Variants in UBE2E2 observed in about 807,000 individuals in gnomAD.
UBE2E2 encodes the protein ubiquitin conjugating enzyme E2 E2.
In UBE2E2, 6 loss-of-function variants were observed where a neutral mutation model predicts 24.7. The observed-to-expected ratio is 0.24, with a 90% confidence interval of 0.13 to 0.48. UBE2E2 has a LOEUF of 0.48. Ranked by LOEUF, UBE2E2 falls within the 20% of genes least tolerant of loss-of-function variation. The probability of loss-of-function intolerance (pLI) is 0.99; values close to 1 mark genes in which losing one functional copy is unlikely to be tolerated. For synonymous variants in UBE2E2, 104 were observed against 83.6 expected (o/e 1.24, Z -1.33); for missense variants, 169 against 245.0 (o/e 0.69, Z 2.07).
chr3:23,537,975 C>T (rs984412153), intron 5 of UBE2E2, among the ~76,000 whole-genome samples: 14 of 152,118 alleles, frequency 9.2e-5, no homozygotes, highest in Non-Finnish European at 1.8e-4. Context: ...AGTGCTTACA[C>T]AATAGTGTGA....
At chr3:23,267,734 C>G (rs1216564825) in intron 3 of UBE2E2, among the ~76,000 whole-genome samples, 1 of 151,798 alleles carries the variant, frequency 6.6e-6, no homozygotes, top group Non-Finnish European at 1.5e-5. Flanking sequence ...ATACCAAAGC[C>G]TGGCAGAGAC....
chr3:23,348,938 A>T (rs549846665), intron 3 of UBE2E2, among the ~76,000 whole-genome samples: 1 of 152,186 alleles, frequency 6.6e-6, no homozygotes, highest in South Asian at 2.1e-4. Context: ...GGTTCTGCAC[A>T]CTCCAGGGTA....
At chr3:23,561,512 T>A (rs997795338) in intron 5 of UBE2E2, among the ~76,000 whole-genome samples, 3 of 152,302 alleles carry the variant, frequency 2.0e-5, no homozygotes, top group African/African-American at 7.2e-5. Flanking sequence ...GTGTGATGCC[T>A]CCAGCTTTGT....
intron 3 of UBE2E2, among the ~76,000 whole-genome samples, chr3:23,241,270 G>A (rs1035835224): frequency 6.6e-6 from 1 of 151,982 alleles, no homozygotes; most frequent in Non-Finnish European, 1.5e-5. Context: ...TACTATTATG[G>A]TCCAAGCCGT....
chr3:23,412,753 A>G (rs1418905088), intron 3 of UBE2E2, among the ~76,000 whole-genome samples: 2 of 152,132 alleles, frequency 1.3e-5, no homozygotes, highest in African/African-American at 4.8e-5. Context: ...GGACCCCAGC[A>G]TCACCATTGC....
In UBE2E2 at chr3:23,273,355, G is replaced by A. The variant is rs192664787; in HGVS notation, c.227+56043G>A. On this transcript the variant is annotated intron_variant, in intron 3 of 5. Coordinates refer to ENST00000396703, the MANE Select transcript of UBE2E2 (RefSeq NM_152653.4). ...GAGATCGAGACCATGGTGAAACCCC[G>A]TCTCTACTAAAAATACAAAAAAAAA... Among the ~76,000 whole-genome samples, 109 of 152,050 alleles carry A rather than the reference G, an allele frequency of 7.2e-4. 5 individuals are homozygous for A. In the East Asian group the frequency reaches 0.016, roughly 22 times the overall value.
chr3:23,206,861 A>G (rs868583523), intron 1 of UBE2E2, among the ~76,000 whole-genome samples: 1 of 152,140 alleles, frequency 6.6e-6, no homozygotes, highest in Non-Finnish European at 1.5e-5. Flanking sequence ...GCTTTATTTG[A>G]GGTATCTTTA....
At chr3:23,289,181 C>T (rs1698695593) in intron 3 of UBE2E2, among the ~76,000 whole-genome samples, 1 of 152,158 alleles carries the variant, frequency 6.6e-6, no homozygotes, top group Admixed American at 6.5e-5. Flanking sequence ...CTGTGATTTG[C>T]TTTGAAGTAC....
At chr3:23,413,335 G>C (rs1419998655) in intron 3 of UBE2E2, among the ~76,000 whole-genome samples, 48 of 152,222 alleles carry the variant, frequency 3.2e-4, no homozygotes, top group Non-Finnish European at 1.6e-4. Context: ...TGCAGCAGTA[G>C]AGCTAATATA....
intron 3 of UBE2E2, among the ~76,000 whole-genome samples, chr3:23,253,699 A>C (rs957421141): frequency 6.6e-6 from 1 of 152,222 alleles, no homozygotes; most frequent in Admixed American, 6.5e-5. Flanking sequence ...TATTATGTGA[A>C]GAGAAATAGC....
At chr3:23,345,635 C>T (rs1233975775) in intron 3 of UBE2E2, among the ~76,000 whole-genome samples, 2 of 151,974 alleles carry the variant, frequency 1.3e-5, no homozygotes, top group South Asian at 2.1e-4. Flanking sequence ...AAGAGTAAGT[C>T]ACTGATATTG....
At chr3:23,258,900 GAAAAAAAA>G (rs11333992) in intron 3 of UBE2E2, among the ~76,000 whole-genome samples, 2 of 78,904 alleles carry the variant, frequency 2.5e-5, no homozygotes, top group Non-Finnish European at 4.8e-5. Context: ...CTCAAAAAAA[GAAAAAAAA>G]AAAAAAAAAA....
intron 3 of UBE2E2, among the ~76,000 whole-genome samples, chr3:23,290,269 T>C (rs1698728601): frequency 6.6e-6 from 1 of 152,214 alleles, no homozygotes; most frequent in South Asian, 2.1e-4. Context: ...TTTATTAGTT[T>C]GTGGACCATT....
At chr3:23,376,565 T>C (rs1696525880) in intron 3 of UBE2E2, among the ~76,000 whole-genome samples, 2 of 152,228 alleles carry the variant, frequency 1.3e-5, no homozygotes, top group Non-Finnish European at 2.9e-5. Flanking sequence ...GAGGTGTACC[T>C]TTTTACAACC....
intron 3 of UBE2E2, among the ~76,000 whole-genome samples, chr3:23,316,318 G>A (rs995713104): frequency 6.6e-6 from 1 of 151,948 alleles, no homozygotes; most frequent in African/African-American, 2.4e-5. Flanking sequence ...AGCTGCCACC[G>A]AAACCACAAG....
chr3:23,475,060 A>T (rs1212602214), intron 3 of UBE2E2, among the ~76,000 whole-genome samples: 3 of 152,050 alleles, frequency 2.0e-5, no homozygotes, highest in Non-Finnish European at 4.4e-5. Flanking sequence ...TGTTGACCAC[A>T]TTCTTCTCCT....
rs926082795 is a variant in UBE2E2 at position 23,434,689 on chromosome 3, C to T, written c.228-64919C>T. 2.6e-5 allele frequency among the ~76,000 whole-genome samples: 4 copies of T among 152,190 alleles called. No homozygotes were observed. In the East Asian group the frequency reaches 7.7e-4, roughly 29 times the overall value. ...AAAAATTGAAAGGCATAAAGATGTACTACTGAGTTCAGGAAACAGTTGGAT... is the reference window on the plus strand; with the variant it reads ...AAAAATTGAAAGGCATAAAGATGTATTACTGAGTTCAGGAAACAGTTGGAT... On this transcript the variant is annotated intron_variant, in intron 3 of 5. Transcript: ENST00000396703.
At chr3:23,219,048 T>C (rs1054575462) in intron 3 of UBE2E2, among the ~76,000 whole-genome samples, 16 of 152,166 alleles carry the variant, frequency 1.1e-4, no homozygotes, top group African/African-American at 3.6e-4. Context: ...AGGGAAGATA[T>C]CTACTTTAGT....
intron 2 of UBE2E2, among the ~76,000 whole-genome samples, chr3:23,215,751 C>T (rs1696459092): frequency 6.6e-6 from 1 of 152,080 alleles, no homozygotes; most frequent in Non-Finnish European, 1.5e-5. Context: ...TCTGTATGTC[C>T]CCTACCCACC....
Sources: allele counts gnomAD v4.1 joint callset (sites outside exome capture counted in the v4.1 genomes callset), GRCh38; gene constraint gnomAD v4.1.1; transcripts MANE v1.5; gene names NCBI Gene and HGNC (gene_info 2026-07-23, HGNC 2026-07-21).